TRIQK: variants seen among roughly 807,000 people sequenced by gnomAD.
TRIQK encodes the protein triple QxxK/R motif-containing protein.
In TRIQK, 10 loss-of-function variants were observed where a neutral mutation model predicts 10.8. The ratio of observed to expected loss-of-function variants is 0.92; its 90% CI spans 0.57 to 1.57. The LOEUF (loss-of-function observed/expected upper bound fraction) is 1.57. TRIQK is among the 40% of genes most tolerant of loss of function. The probability of loss-of-function intolerance (pLI) is 0.00; values close to 1 mark genes in which losing one functional copy is unlikely to be tolerated. For missense variants in TRIQK, 107 were observed against 97.7 expected, an observed-to-expected ratio of 1.09 and a Z score of -0.40; for synonymous variants, 33 against 33.7, an observed-to-expected ratio of 0.98 and a Z score of 0.07.
chr8:93,000,974 A>G (rs1224701319), intron 1 of TRIQK, among the ~76,000 whole-genome samples: 1 of 152,158 alleles, frequency 6.6e-6, no homozygotes, highest in Non-Finnish European at 1.5e-5. Context: ...TTTACCTATC[A>G]ATAATAAACT....
At chr8:92,984,642 C>T (rs1288665663) in intron 1 of TRIQK, among the ~76,000 whole-genome samples, 1 of 152,054 alleles carries the variant, frequency 6.6e-6, no homozygotes, top group African/African-American at 2.4e-5. Context: ...TAAATCATCA[C>T]TTATTTAACA....
intron 3 of TRIQK, among the ~76,000 whole-genome samples, chr8:92,896,086 T>C (rs1050139155): frequency 4.6e-5 from 7 of 152,112 alleles, no homozygotes; most frequent in East Asian, 3.9e-4. Context: ...CCTCCCAAAA[T>C]AGATCCAGAA....
At chr8:92,957,102 A>C (rs1586496422) in intron 1 of TRIQK, among the ~76,000 whole-genome samples, 1 of 151,938 alleles carries the variant, frequency 6.6e-6, no homozygotes, top group Admixed American at 6.6e-5. Context: ...TAGAACTCAA[A>C]TCTATCTGAT....
chr8:92,907,733 T>G (rs1444427023), intron 3 of TRIQK, among the ~76,000 whole-genome samples: 1 of 152,112 alleles, frequency 6.6e-6, no homozygotes, highest in Non-Finnish European at 1.5e-5. Context: ...AGATATTATC[T>G]GTGTTAAAAG....
intron 2 of TRIQK, among the ~76,000 whole-genome samples, chr8:92,946,967 G>A (rs1296079052): frequency 4.0e-5 from 6 of 151,336 alleles, no homozygotes; most frequent in Admixed American, 1.3e-4. Flanking sequence ...GGGTTTCACC[G>A]TGTTAGCCAG....
At chr8:92,963,119 C>T (rs1432396871) in intron 1 of TRIQK, among the ~76,000 whole-genome samples, 1 of 152,046 alleles carries the variant, frequency 6.6e-6, no homozygotes, top group Non-Finnish European at 1.5e-5. Context: ...TGTTTCTCTA[C>T]CAGAAATGAA....
At chr8:92,898,833 G>GTC (rs1256723943) in intron 3 of TRIQK, among the ~76,000 whole-genome samples, 1 of 73,902 alleles carries the variant, frequency 1.4e-5, no homozygotes, top group Non-Finnish European at 2.5e-5. Flanking sequence ...GTGTGTGTGT[G>GTC]TATATATATA....
intron 2 of TRIQK, among the ~76,000 whole-genome samples, chr8:92,923,463 T>A (rs1328476500): frequency 6.6e-6 from 1 of 151,878 alleles, no homozygotes; most frequent in Non-Finnish European, 1.5e-5. Flanking sequence ...AACACTGCAT[T>A]CCCTGAGGAA....
intron 1 of TRIQK, among the ~76,000 whole-genome samples, chr8:92,959,564 C>G (rs984848983): frequency 1.1e-4 from 17 of 151,056 alleles, no homozygotes; most frequent in Non-Finnish European, 2.1e-4. Flanking sequence ...TCATAATAAG[C>G]TGGTATCTTC....
intron 4 of TRIQK, among the ~76,000 whole-genome samples, chr8:92,890,329 T>A (rs17687844): frequency 0.074 from 11,201 of 151,850 alleles, 547 homozygotes; most frequent in Non-Finnish European, 0.11. Context: ...GTTTTTGTTT[T>A]CCACAGGTTT....
At chr8:92,916,003 T>C (rs183008629) in intron 3 of TRIQK, among the ~76,000 whole-genome samples, 1 of 152,250 alleles carries the variant, frequency 6.6e-6, no homozygotes, top group East Asian at 1.9e-4. Context: ...GTTTATCCTT[T>C]AGTTATTTAG....
chr8:92,899,968 A>T (rs1370473144), intron 3 of TRIQK, among the ~76,000 whole-genome samples: 1 of 152,114 alleles, frequency 6.6e-6, no homozygotes. Context: ...ATGATATTTC[A>T]TTGTATTTTT....
At chr8:92,953,188 A>T (rs572317112) in intron 2 of TRIQK, among the ~76,000 whole-genome samples, 1 of 152,114 alleles carries the variant, frequency 6.6e-6, no homozygotes, top group East Asian at 1.9e-4. Context: ...GGAATTATCC[A>T]TTTCCTTTGT....
intron 1 of TRIQK, among the ~76,000 whole-genome samples, chr8:92,994,017 C>T (rs1310491545): frequency 6.6e-6 from 1 of 152,108 alleles, no homozygotes; most frequent in Non-Finnish European, 1.5e-5. Flanking sequence ...AGAAAGGAAC[C>T]ACAAAGACTA....
intron 2 of TRIQK, among the ~76,000 whole-genome samples, chr8:92,948,313 T>C (rs1811662227): frequency 6.6e-6 from 1 of 152,184 alleles, no homozygotes; most frequent in Non-Finnish European, 1.5e-5. Context: ...GAATGCTGCA[T>C]CTTCAGTAAA....
chr8:92,997,480 G>A (rs1813164238), intron 1 of TRIQK, among the ~76,000 whole-genome samples: 1 of 151,946 alleles, frequency 6.6e-6, no homozygotes, highest in East Asian at 1.9e-4. Context: ...TCAGGGGTGG[G>A]GTTGTTAAAG....
chr8:93,015,041 C>T (rs184245661), intron 1 of TRIQK, among the ~76,000 whole-genome samples: 1 of 152,106 alleles, frequency 6.6e-6, no homozygotes, highest in African/African-American at 2.4e-5. Context: ...TAAACATTAA[C>T]TGTAACTGCT....
chr8:92,970,847 T>G (rs948858967), upstream of TRIQK, among the ~76,000 whole-genome samples: 2 of 152,170 alleles, frequency 1.3e-5, no homozygotes, highest in Admixed American at 1.3e-4. Context: ...TTGCTTTTGA[T>G]CTTTTGTCAT....
chr8:93,013,276 C>CTCTCA (rs1165599297), intron 1 of TRIQK, among the ~76,000 whole-genome samples: 1 of 152,178 alleles, frequency 6.6e-6, no homozygotes, highest in African/African-American at 2.4e-5. Context: ...TTTGGATTGA[C>CTCTCA]TCTCATCTCA....
Sources: allele counts gnomAD v4.1 joint callset (sites outside exome capture counted in the v4.1 genomes callset), GRCh38; gene constraint gnomAD v4.1.1; transcripts MANE v1.5; gene names NCBI Gene and HGNC (gene_info 2026-07-23, HGNC 2026-07-21).